MEMO1: variants seen among roughly 807,000 people sequenced by gnomAD.
MEMO1 encodes protein MEMO1.
A neutral mutation model predicts 45.2 loss-of-function variants in MEMO1; 6 were observed. The ratio of observed to expected loss-of-function variants is 0.13; its 90% CI spans 0.07 to 0.26. The LOEUF (loss-of-function observed/expected upper bound fraction) is 0.26, where lower values mean the gene tolerates loss of function less well. MEMO1 is among the 10% of genes least tolerant of loss of function. The pLI is 1.00. For missense variants in MEMO1, 184 were observed against 370.5 expected (o/e 0.50, Z 4.13); for synonymous variants, 78 against 124.3 (o/e 0.63, Z 2.48).
At position 31,957,469 on chromosome 2, in the gene MEMO1, C is replaced by T. The variant is rs534490269; in HGVS notation, c.62-14086G>A. Among the ~76,000 whole-genome samples, 5 of 152,214 alleles carry T rather than the reference C, an allele frequency of 3.3e-5. No homozygotes were observed. The South Asian group carries it at 1.0e-3, about 32-fold the overall frequency. ...CTAGGTTAAAATGCATAAAACCAAACTTTTAAGAATTGCTATTTAACAAAT... is the reference window on the plus strand; with the variant it reads ...CTAGGTTAAAATGCATAAAACCAAATTTTTAAGAATTGCTATTTAACAAAT... On this transcript the variant is annotated intron_variant, in intron 2 of 9. Transcript: ENST00000404530.
intron 3 of MEMO1, among the ~76,000 whole-genome samples, chr2:31,942,313 T>C (rs1665709235): frequency 6.6e-6 from 1 of 152,232 alleles, no homozygotes; most frequent in Admixed American, 6.5e-5. Flanking sequence ...AATATATCTT[T>C]TTCATTATAA....
At chr2:31,935,392 A>C (rs996913483) in intron 3 of MEMO1, among the ~76,000 whole-genome samples, 2 of 152,200 alleles carry the variant, frequency 1.3e-5, no homozygotes, top group Non-Finnish European at 2.9e-5. Context: ...AGCTAAGGTA[A>C]ATACATGATT....
intron 2 of MEMO1, among the ~76,000 whole-genome samples, chr2:31,982,800 G>C (rs1446488904): frequency 6.6e-6 from 1 of 152,038 alleles, no homozygotes; most frequent in Non-Finnish European, 1.5e-5. Context: ...TGAACAAATA[G>C]GTAAAATGAA....
chr2:31,998,779 G>A (rs115024890), intron 2 of MEMO1, among the ~76,000 whole-genome samples: 1,807 of 149,170 alleles, frequency 0.012, 36 homozygotes, highest in African/African-American at 0.043. Flanking sequence ...CAGCCCAGGA[G>A]ACAATGTGAG....
chr2:31,948,568 A>G (rs1433158649), intron 2 of MEMO1, among the ~76,000 whole-genome samples: 1 of 152,220 alleles, frequency 6.6e-6, no homozygotes, highest in Non-Finnish European at 1.5e-5. Context: ...AGAGTGTTTT[A>G]AACAGCGGTT....
intron 2 of MEMO1, among the ~76,000 whole-genome samples, chr2:31,957,545 T>C (rs1420412420): frequency 6.6e-6 from 1 of 152,182 alleles, no homozygotes; most frequent in Admixed American, 6.5e-5. Flanking sequence ...TGACCAAGTT[T>C]CCCTATTAGC....
intron 3 of MEMO1, among the ~76,000 whole-genome samples, chr2:31,939,622 G>A (rs934502379): frequency 1.3e-5 from 2 of 152,200 alleles, no homozygotes; most frequent in Non-Finnish European, 2.9e-5. Flanking sequence ...TTGATGAAAT[G>A]AGAATGTCTC....
At chr2:31,954,940 A>C (rs1484649586) in intron 2 of MEMO1, among the ~76,000 whole-genome samples, 2 of 151,744 alleles carry the variant, frequency 1.3e-5, no homozygotes, top group Admixed American at 1.3e-4. Flanking sequence ...AGGAAACTCC[A>C]TTGCACGTTA....
intron 2 of MEMO1, chr2:31,963,132 T>C (rs1364605753): frequency 1.3e-6 from 2 of 1,504,870 alleles, no homozygotes; most frequent in Admixed American, 2.1e-5. Context: ...CCATTAGCTC[T>C]CCCATTTCTT....
intron 2 of MEMO1, among the ~76,000 whole-genome samples, chr2:31,989,385 T>C (rs937498866): frequency 1.8e-4 from 27 of 152,210 alleles, no homozygotes; most frequent in Non-Finnish European, 3.8e-4. Flanking sequence ...CAAAAACACT[T>C]TTCTAAAGAG....
intron 2 of MEMO1, among the ~76,000 whole-genome samples, chr2:31,978,781 T>C (rs1387293544): frequency 6.6e-6 from 1 of 152,244 alleles, no homozygotes; most frequent in African/African-American, 2.4e-5. Context: ...ATTTGTCTCC[T>C]TGTTATTCAG....
chr2:31,907,786 A>AACAC (rs3065385), intron 6 of MEMO1, among the ~76,000 whole-genome samples: 16,344 of 145,238 alleles, frequency 0.11, 915 homozygotes, highest in African/African-American at 0.17. Flanking sequence ...CCGTGTCTTA[A>AACAC]ACACACACAC....
At chr2:31,984,685 A>C (rs1032157898) in intron 2 of MEMO1, among the ~76,000 whole-genome samples, 1 of 152,238 alleles carries the variant, frequency 6.6e-6, no homozygotes, top group Non-Finnish European at 1.5e-5. Flanking sequence ...GGGCACCTGT[A>C]GTCCCAGCCA....
At chr2:31,964,539 A>C (rs1187529860) in intron 2 of MEMO1, among the ~76,000 whole-genome samples, 1 of 151,832 alleles carries the variant, frequency 6.6e-6, no homozygotes, top group Admixed American at 6.6e-5. Context: ...TCTACTAAAA[A>C]CACAAAAAAA....
chr2:31,926,754 G>C (rs950464412), intron 4 of MEMO1, among the ~76,000 whole-genome samples: 10 of 151,972 alleles, frequency 6.6e-5, no homozygotes, highest in Non-Finnish European at 1.0e-4. Flanking sequence ...GACCGAGGCA[G>C]GAGAATCCCT....
chr2:31,954,056 C>G (rs977057259), intron 2 of MEMO1, among the ~76,000 whole-genome samples: 1 of 152,158 alleles, frequency 6.6e-6, no homozygotes, highest in Non-Finnish European at 1.5e-5. Context: ...ACTTGGGACA[C>G]ATATAGCCAC....
chr2:31,901,607 G>A (rs1404068391), intron 6 of MEMO1, among the ~76,000 whole-genome samples: 1 of 151,846 alleles, frequency 6.6e-6, no homozygotes, highest in Non-Finnish European at 1.5e-5. Flanking sequence ...TCTTTTTAGG[G>A]TGATGAAAAC....
chr2:31,968,583 C>G (rs555460489), intron 2 of MEMO1, among the ~76,000 whole-genome samples: 1 of 152,196 alleles, frequency 6.6e-6, no homozygotes, highest in African/African-American at 2.4e-5. Context: ...ACAAGTCCCC[C>G]AAGAAGTGTC....
Position 31,891,977 on chromosome 2 carries a change from A to C in MEMO1, c.580+15T>G, listed in dbSNP as rs1677056380. 2 of 1,606,608 alleles carry C rather than the reference A, an allele frequency of 1.2e-6. No homozygotes were observed. The highest frequency in any genetic ancestry group is 2.2e-5 in the South Asian group (2 of 90,682). ...ATATAACATCTACCATGATATGTTA[A>C]AATCTAGAACTTACCCCAATGGCAG... On this transcript the variant is annotated intron_variant, in intron 7 of 9. Coordinates refer to ENST00000404530, the MANE Select transcript of MEMO1 (RefSeq NM_001301833.4).
Sources: allele counts gnomAD v4.1 joint callset (sites outside exome capture counted in the v4.1 genomes callset), GRCh38; gene constraint gnomAD v4.1.1; transcripts MANE v1.5; gene names NCBI Gene and HGNC (gene_info 2026-07-23, HGNC 2026-07-21).